The following PCDH15 variants were observed in gnomAD, a reference collection of about 807,000 sequenced individuals.
PCDH15 encodes protocadherin-15.
Under a neutral mutation model 178.5 loss-of-function variants are expected in PCDH15, and 129 were observed. The ratio of observed to expected loss-of-function variants is 0.72; its 90% CI spans 0.63 to 0.84. The LOEUF (loss-of-function observed/expected upper bound fraction) is 0.84. Among genes scored for constraint, PCDH15 ranks in the 40% least tolerant of loss-of-function variants. PCDH15 has a pLI of 0.00. For synonymous variants in PCDH15, 800 were observed against 732.0 expected (o/e 1.09, Z -1.50); for missense variants, 2,230 against 2,099.9 (o/e 1.06, Z -1.21).
chr10:55,318,071 C>T (rs11004806), intron 1 of PCDH15, among the ~76,000 whole-genome samples: 72,763 of 151,606 alleles, frequency 0.48, 17,734 homozygotes, highest in Admixed American at 0.52. Flanking sequence ...GAGCGTAAAA[C>T]AACAATCAGA....
At chr10:54,193,887 A>G (rs563134892) in intron 11 of PCDH15, among the ~76,000 whole-genome samples, 1 of 152,234 alleles carries the variant, frequency 6.6e-6, no homozygotes, top group African/African-American at 2.4e-5. Context: ...AACTAGCTTT[A>G]ATATCCCTTT....
intron 3 of PCDH15, among the ~76,000 whole-genome samples, chr10:54,833,186 A>G (rs1953255005): frequency 6.6e-6 from 1 of 152,146 alleles, no homozygotes; most frequent in Non-Finnish European, 1.5e-5. Flanking sequence ...TAGACTTTCA[A>G]GAAGAGTTTG....
At chr10:55,135,169 G>A (rs1838154351) in intron 2 of PCDH15, among the ~76,000 whole-genome samples, 1 of 152,064 alleles carries the variant, frequency 6.6e-6, no homozygotes, top group East Asian at 1.9e-4. Context: ...AATATGAATT[G>A]TGTAATTTGA....
chr10:54,982,866 G>A (rs1404333109), intron 2 of PCDH15, among the ~76,000 whole-genome samples: 1 of 151,932 alleles, frequency 6.6e-6, no homozygotes, highest in Non-Finnish European at 1.5e-5. Context: ...CTACACATTG[G>A]CATTTATTAT....
At chr10:55,551,514 G>A (rs1842002948) in intron 2 of PCDH15, among the ~76,000 whole-genome samples, 1 of 151,568 alleles carries the variant, frequency 6.6e-6, no homozygotes, top group Non-Finnish European at 1.5e-5. Flanking sequence ...TCAATTTGAG[G>A]AAAAAACATG....
chr10:55,486,284 G>A (rs1363997046), intron 2 of PCDH15, among the ~76,000 whole-genome samples: 1 of 151,510 alleles, frequency 6.6e-6, no homozygotes, highest in Non-Finnish European at 1.5e-5. Flanking sequence ...GAAATAAAAA[G>A]CAAATACAGT....
At chr10:54,724,011 C>A (rs186166144) in intron 1 of PCDH15, among the ~76,000 whole-genome samples, 1 of 151,702 alleles carries the variant, frequency 6.6e-6, no homozygotes, top group East Asian at 1.9e-4. Flanking sequence ...GTAGAACTAC[C>A]GTTCAACCCA....
chr10:55,089,265 T>C (rs1217362318), intron 2 of PCDH15, among the ~76,000 whole-genome samples: 3 of 152,140 alleles, frequency 2.0e-5, no homozygotes, highest in Non-Finnish European at 4.4e-5. Flanking sequence ...GTTTATAAAA[T>C]AGTTTGTGAA....
intron 8 of PCDH15, among the ~76,000 whole-genome samples, chr10:54,310,241 T>C (rs1313917246): frequency 6.6e-6 from 1 of 152,050 alleles, no homozygotes; most frequent in Non-Finnish European, 1.5e-5. Flanking sequence ...ACACTGAACC[T>C]TTTTAAACAC....
At chr10:54,551,603 G>A (rs2086624993) in intron 2 of PCDH15, among the ~76,000 whole-genome samples, 1 of 152,038 alleles carries the variant, frequency 6.6e-6, no homozygotes, top group Non-Finnish European at 1.5e-5. Context: ...CCAACATTCT[G>A]AATAATACAT....
chr10:54,112,166 AT>A (rs1347198896), intron 15 of PCDH15, among the ~76,000 whole-genome samples: 1 of 151,688 alleles, frequency 6.6e-6, no homozygotes, highest in Non-Finnish European at 1.5e-5. Flanking sequence ...AATAAATAAA[AT>A]AAAGATCTTC....
At chr10:55,047,957 A>G (rs1030763546) in intron 2 of PCDH15, among the ~76,000 whole-genome samples, 5 of 151,882 alleles carry the variant, frequency 3.3e-5, no homozygotes, top group African/African-American at 1.2e-4. Flanking sequence ...GTGGCAATCA[A>G]TAGCCAAACC....
chr10:54,416,565 A>C (rs12777736), intron 3 of PCDH15, among the ~76,000 whole-genome samples: 69,701 of 151,966 alleles, frequency 0.46, 16,749 homozygotes, highest in Middle Eastern at 0.52. Flanking sequence ...TTGCTATTGT[A>C]AATAGTGCTG....
chr10:55,039,331 A>G (rs973544421), intron 2 of PCDH15, among the ~76,000 whole-genome samples: 1 of 152,168 alleles, frequency 6.6e-6, no homozygotes, highest in Non-Finnish European at 1.5e-5. Flanking sequence ...TCAGCAATGA[A>G]GAGTTTAAAG....
intron 4 of PCDH15, among the ~76,000 whole-genome samples, chr10:54,370,873 AC>A (rs1169270943): frequency 6.6e-6 from 1 of 151,876 alleles, no homozygotes; most frequent in African/African-American, 2.4e-5. Context: ...TTTATGGCCA[AC>A]AAAGAAAAAG....
intron 3 of PCDH15, among the ~76,000 whole-genome samples, chr10:54,830,284 C>T (rs58073121): frequency 0.032 from 4,862 of 152,090 alleles, 230 homozygotes; most frequent in African/African-American, 0.11. Flanking sequence ...CACATGCACA[C>T]GTATGTTTAT....
intron 3 of PCDH15, among the ~76,000 whole-genome samples, chr10:54,385,407 G>T (rs1284354055): frequency 6.6e-6 from 1 of 152,074 alleles, no homozygotes; most frequent in Admixed American, 6.6e-5. Flanking sequence ...TAGGTAATTT[G>T]CTTCTGGAAA....
chr10:54,990,980 A>G (rs1275132658), intron 2 of PCDH15, among the ~76,000 whole-genome samples: 1 of 152,052 alleles, frequency 6.6e-6, no homozygotes, highest in Non-Finnish European at 1.5e-5. Flanking sequence ...AAAAAAAACA[A>G]TTCTAATTCC....
rs549806399 is a variant in PCDH15, at chr10:54,411,596, C to T, written c.158-32654G>A. On this transcript the variant is annotated intron_variant, in intron 3 of 37. Transcript: ENST00000644397. ...ATTAAATGATAAGCTACAGATATGT[C>T]TTTTTGCAGTGTGACTAGAAAATAG... is the stretch of plus-strand genomic sequence containing the variant. 4.1e-4 allele frequency among the ~76,000 whole-genome samples: 63 copies of T among 152,212 alleles called. No homozygotes were observed. In the East Asian group the frequency reaches 0.012, roughly 29 times the overall value.
Sources: allele counts gnomAD v4.1 joint callset (sites outside exome capture counted in the v4.1 genomes callset), GRCh38; gene constraint gnomAD v4.1.1; transcripts MANE v1.5; gene names NCBI Gene and HGNC (gene_info 2026-07-23, HGNC 2026-07-21).